DIAPH1: variants seen among roughly 807,000 people sequenced by gnomAD.
DIAPH1 encodes diaphanous related formin 1, also known as protein diaphanous homolog 1.
In DIAPH1, 46 loss-of-function variants were observed where a neutral mutation model predicts 140.7. The ratio of observed to expected loss-of-function variants is 0.33; its 90% CI spans 0.26 to 0.42. The LOEUF is 0.42. DIAPH1 is among the 10% of genes least tolerant of loss of function. DIAPH1 has a pLI of 1.00. For missense variants in DIAPH1, 1,310 were observed against 1,558.7 expected, an observed-to-expected ratio of 0.84 and a Z score of 2.69; for synonymous variants, 565 against 551.6, an observed-to-expected ratio of 1.02 and a Z score of -0.34.
chr5:141,528,352 G>C, intron 23 of DIAPH1, 101 bp downstream of exon 23: 1 of 1,542,456 alleles, frequency 6.5e-7, no homozygotes, highest in Non-Finnish European at 8.9e-7. Flanking sequence ...ATTTCCACTT[G>C]AAATAGTCTG....
chr5:141,593,727 A>T (rs1464666003), intron 1 of DIAPH1, among the ~76,000 whole-genome samples: 1 of 152,260 alleles, frequency 6.6e-6, no homozygotes, highest in East Asian at 1.9e-4. Flanking sequence ...AGTGTAAATT[A>T]AAATAAGATA....
chr5:141,575,553 G>A (rs1468815549), intron 14 of DIAPH1, among the ~76,000 whole-genome samples: 3 of 152,046 alleles, frequency 2.0e-5, no homozygotes, highest in Admixed American at 2.0e-4. Flanking sequence ...GGAGGCTGAG[G>A]CAGGAGAACT....
At chr5:141,603,702 T>C (rs1024304531) in intron 1 of DIAPH1, among the ~76,000 whole-genome samples, 1 of 152,228 alleles carries the variant, frequency 6.6e-6, no homozygotes, top group Admixed American at 6.5e-5. Context: ...CTAAAACTGT[T>C]GGTGAGTCTG....
Position 141,573,829 on chromosome 5 carries a change from G to T in DIAPH1, c.2021C>A (p.Ala674Asp). The T allele has an allele frequency of 2.6e-6, 4 of 1,522,026 alleles. No individual in the cohort carries two copies. Among genetic ancestry groups the T allele is most frequent in the Non-Finnish European group, 3.5e-6 (4 of 1,130,524 alleles). The allele number at this position is 1,522,026 out of a possible 1,614,324, so 94.3% of individuals were successfully genotyped here. Residue 674 changes from alanine to aspartate, a missense_variant, in exon 16 of 28, where the codon GCC becomes GAC. By Grantham distance (126) the Ala-to-Asp change is moderately radical. Transcript: ENST00000389054. ...AGGCAAAGGAGGAGGTGGGGGGATG[G>T]CAGTACCTCCAGGCAAAGAAGAGGG... is the stretch of plus-strand genomic sequence containing the variant. ...PSPSSLPGGT[A>D]IPPPPPLPGS...
At chr5:141,532,580 AG>A (rs2099888394) in intron 19 of DIAPH1, among the ~76,000 whole-genome samples, 1 of 152,126 alleles carries the variant, frequency 6.6e-6, no homozygotes, top group Non-Finnish European at 1.5e-5. Context: ...CTCCCTTCCT[AG>A]TACTCTCATA....
At chr5:141,609,094 T>C (rs1341713454) in intron 1 of DIAPH1, among the ~76,000 whole-genome samples, 1 of 149,470 alleles carries the variant, frequency 6.7e-6, no homozygotes, top group Admixed American at 6.8e-5. Flanking sequence ...AGCACTGTAA[T>C]AGCTATTTTT....
intron 1 of DIAPH1, among the ~76,000 whole-genome samples, chr5:141,611,007 T>G (rs534948414): frequency 6.6e-6 from 1 of 152,134 alleles, no homozygotes; most frequent in South Asian, 2.1e-4. Context: ...GCTGGATTGC[T>G]TGAGCCCAGG....
intron 1 of DIAPH1, among the ~76,000 whole-genome samples, chr5:141,606,274 C>T (rs1322833699): frequency 6.6e-6 from 1 of 152,100 alleles, no homozygotes; most frequent in South Asian, 2.1e-4. Flanking sequence ...CAATGTAAAC[C>T]TTTCTGTAGC....
chr5:141,618,847 G>A lies in DIAPH1; in HGVS notation c.68C>T (p.Pro23Leu), dbSNP rs1020818879. The A allele has an allele frequency of 1.9e-6, 3 of 1,543,118 alleles. No homozygotes were observed. The highest frequency in any genetic ancestry group is 1.4e-5 in the African/African-American group (1 of 71,832). ...GCCGCCCGCCGAGGGCAGCTCATCT[G>A]GGCTCCGGCCCTTCTTCTTGTCCCG... ...GTRDKKKGRS[P>L]DELPSAGGDG... is the part of the protein sequence containing the mutation. Residue 23 changes from proline to leucine, a missense_variant, in exon 1 of 28, where the codon CCA becomes CTA. Physicochemically the swap from Pro to Leu is moderately conservative, Grantham distance 98. Coordinates refer to ENST00000389054, the MANE Select transcript of DIAPH1 (RefSeq NM_005219.5).
chr5:141,579,457 A>G (rs566883036), intron 8 of DIAPH1, among the ~76,000 whole-genome samples: 2 of 152,222 alleles, frequency 1.3e-5, no homozygotes, highest in African/African-American at 4.8e-5. Context: ...TATTCAATGA[A>G]GTATAAATTG....
intron 18 of DIAPH1, among the ~76,000 whole-genome samples, chr5:141,541,809 G>A (rs2099890022): frequency 6.6e-6 from 1 of 152,004 alleles, no homozygotes; most frequent in Non-Finnish European, 1.5e-5. Flanking sequence ...AAACACTTCA[G>A]TTACATTTCA....
chr5:141,597,936 T>C (rs1014919489), intron 1 of DIAPH1, among the ~76,000 whole-genome samples: 3 of 152,196 alleles, frequency 2.0e-5, no homozygotes, highest in African/African-American at 7.2e-5. Flanking sequence ...TACAGAGCAG[T>C]GTACTCCCTC....
chr5:141,615,799 T>G (rs1298407306), intron 1 of DIAPH1, among the ~76,000 whole-genome samples: 1 of 152,216 alleles, frequency 6.6e-6, no homozygotes, highest in Non-Finnish European at 1.5e-5. Flanking sequence ...GAAGCAATAT[T>G]CTCTCTTACA....
intron 1 of DIAPH1, among the ~76,000 whole-genome samples, chr5:141,591,381 A>G (rs1191291311): frequency 1.3e-5 from 2 of 151,904 alleles, no homozygotes; most frequent in African/African-American, 4.8e-5. Context: ...TTGATGGCAG[A>G]GCCTGTAACT....
chr5:141,555,016 C>T (rs1007155809), intron 18 of DIAPH1, among the ~76,000 whole-genome samples: 1 of 152,138 alleles, frequency 6.6e-6, no homozygotes, highest in African/African-American at 2.4e-5. Context: ...ATCTTGGTCT[C>T]AGACCCTGAT....
intron 4 of DIAPH1, 131 bp from the exon 5 acceptor site, chr5:141,583,746 G>C: frequency 7.7e-7 from 1 of 1,293,922 alleles, no homozygotes; most frequent in Non-Finnish European, 1.1e-6. Context: ...TTACTACGTT[G>C]CCCAGGCTGA....
chr5:141,544,178 C>T (rs1055763405), intron 18 of DIAPH1, among the ~76,000 whole-genome samples: 1 of 151,890 alleles, frequency 6.6e-6, no homozygotes, highest in Admixed American at 6.6e-5. Context: ...GGCGTGGTGG[C>T]GGGCACCTGT....
chr5:141,609,038 G>T (rs990495578), intron 1 of DIAPH1, among the ~76,000 whole-genome samples: 8 of 151,942 alleles, frequency 5.3e-5, no homozygotes, highest in African/African-American at 1.9e-4. Context: ...AATAATTTAA[G>T]CATCATCCTA....
intron 27 of DIAPH1, among the ~76,000 whole-genome samples, chr5:141,518,028 G>T (rs528402504): frequency 6.6e-6 from 1 of 152,302 alleles, no homozygotes; most frequent in African/African-American, 2.4e-5. Context: ...TGTCTGGGAC[G>T]AAAGAAGCCT....
Sources: allele counts gnomAD v4.1 joint callset (sites outside exome capture counted in the v4.1 genomes callset), GRCh38; gene constraint gnomAD v4.1.1; transcripts MANE v1.5; gene names NCBI Gene and HGNC (gene_info 2026-07-23, HGNC 2026-07-21).